The following GEMIN8 variants were observed in gnomAD, a reference collection of about 807,000 sequenced individuals.
The protein encoded by GEMIN8 is gem-associated protein 8.
For missense variants in GEMIN8, 185 were observed against 205.9 expected (o/e 0.90, Z 0.62); for synonymous variants, 80 against 78.5 (o/e 1.02, Z -0.10).
intron 4 of GEMIN8, 96 bp from the exon 5 acceptor site, chrX:14,009,265 T>A: frequency 6.9e-6 from 6 of 863,663 alleles, no homozygotes; most frequent in South Asian, 2.4e-5. Context: ...CCATGCCATC[T>A]GCAGCCCCCT....
the GEMIN8 span, among the ~76,000 whole-genome samples, chrX:13,999,475 C>T: frequency 6.4e-5 from 7 of 109,954 alleles, no homozygotes; most frequent in Middle Eastern, 4.6e-3. Context: ...GGGGTTTCAC[C>T]GTGTTGCCCA....
the GEMIN8 span, among the ~76,000 whole-genome samples, chrX:13,989,431 T>C: frequency 8.9e-6 from 1 of 112,087 alleles, no homozygotes; most frequent in Non-Finnish European, 1.9e-5. Context: ...TGTAGTATTA[T>C]TAGTGTTTTT....
At chrX:14,012,274 C>T (rs865898438) in intron 4 of GEMIN8, among the ~76,000 whole-genome samples, 5 of 102,857 alleles carry the variant, frequency 4.9e-5, no homozygotes, top group Admixed American at 1.0e-4. Context: ...TGTGCCACCA[C>T]GCCTGGATAA....
chrX:13,985,159 T>C, the GEMIN8 span, among the ~76,000 whole-genome samples: 1 of 111,555 alleles, frequency 9.0e-6, no homozygotes, highest in Non-Finnish European at 1.9e-5. Context: ...GAAATGAACA[T>C]GCTTGGCTCA....
In GEMIN8 at chrX:14,020,342, C is replaced by T; in HGVS notation, c.208G>A (p.Ala70Thr). ...TCATAGAAGGACTGAGGATACGCAG[C>T]CTCATTATCGTAAGAGCTTTGGGGA... ...LLPQSSYDNE[A>T]AYPQSFYDHH... The change falls in exon 4 of 5, where the codon GCT (alanine) becomes ACT (threonine). Residue 70 changes from alanine (A) to threonine (T), a missense_variant. By Grantham distance (58) the Ala-to-Thr change is moderately conservative. Coordinates refer to ENST00000680255, the MANE Select transcript of GEMIN8 (RefSeq NM_001042479.2). 2 of 1,210,371 alleles carry T rather than the reference C, an allele frequency of 1.7e-6. No homozygotes were observed. The highest frequency in any genetic ancestry group is 2.2e-6 in the Non-Finnish European group (2 of 894,149).
downstream of GEMIN8, among the ~76,000 whole-genome samples, chrX:14,004,061 T>C (rs966324972): frequency 8.9e-6 from 1 of 112,489 alleles, no homozygotes; most frequent in Admixed American, 9.4e-5. Context: ...TACTCAGAAC[T>C]AACCACTATT....
the GEMIN8 span, among the ~76,000 whole-genome samples, chrX:13,996,574 A>G: frequency 4.5e-5 from 5 of 111,809 alleles, no homozygotes; most frequent in Non-Finnish European, 9.4e-5. Context: ...GGAATTCAAG[A>G]TGAGAGTTGG....
chrX:13,998,929 G>C, the GEMIN8 span, among the ~76,000 whole-genome samples: 3 of 111,958 alleles, frequency 2.7e-5, no homozygotes, highest in African/African-American at 9.7e-5. Flanking sequence ...TCATTCTGGT[G>C]TCACTGTCAG....
chrX:13,987,012 T>C, the GEMIN8 span, among the ~76,000 whole-genome samples: 4 of 112,510 alleles, frequency 3.6e-5, no homozygotes, highest in African/African-American at 1.3e-4. Context: ...TTATGTCTTA[T>C]GGACTTTTTA....
At chrX:13,998,077 CT>C in the GEMIN8 span, among the ~76,000 whole-genome samples, 210 of 91,626 alleles carry the variant, frequency 2.3e-3, no homozygotes, top group Admixed American at 2.9e-3. Context: ...ACCATTTTTG[CT>C]TTTTTTTTTT....
At chrX:14,006,289 A>G (rs922342673), downstream of GEMIN8, among the ~76,000 whole-genome samples, 5 of 110,944 alleles carry the variant, frequency 4.5e-5, no homozygotes, top group Admixed American at 2.9e-4. Context: ...TTGGCCTCCT[A>G]AAGTGCTGGG....
chrX:14,016,349 A>G (rs1195079639), intron 4 of GEMIN8, among the ~76,000 whole-genome samples: 2 of 112,353 alleles, frequency 1.8e-5, no homozygotes, highest in African/African-American at 6.5e-5. Flanking sequence ...TTCCCAGTCC[A>G]TGTACTTTAC....
At chrX:13,985,161 C>G in the GEMIN8 span, among the ~76,000 whole-genome samples, 1 of 111,430 alleles carries the variant, frequency 9.0e-6, no homozygotes, top group Non-Finnish European at 1.9e-5. Context: ...AATGAACATG[C>G]TTGGCTCAGG....
chrX:13,994,379 C>T, the GEMIN8 span, among the ~76,000 whole-genome samples: 2 of 112,066 alleles, frequency 1.8e-5, no homozygotes, highest in South Asian at 3.7e-4. Flanking sequence ...CATTGGCCCC[C>T]GAGCTTCTCC....
rs942813734 is a variant in GEMIN8 at position 14,009,006 on chromosome X, G to A, written c.636C>T (p.Ile212=). 4 of 1,211,549 alleles carry A rather than the reference G, an allele frequency of 3.3e-6. No homozygotes were observed. Among genetic ancestry groups the A allele is most frequent in the Non-Finnish European group, 4.5e-6 (4 of 895,078 alleles). Residue 212 remains isoleucine, a synonymous_variant, in exon 5 of 5, where the codon ATC becomes ATT. Transcript: ENST00000680255. ...GCTGCACCGCGGCCTCCATGGCTTG[G>A]ATCTTGGCAGCACTGTCCCCGTACA... is the stretch of plus-strand genomic sequence containing the variant. ...KRLYGDSAAK[I]QAMEAAVQLS... is the part of the protein sequence containing the mutation.
At chrX:14,014,496 ACGTATCATCT>A (rs1446066685) in intron 4 of GEMIN8, 11 of 750,242 alleles carry the variant, frequency 1.5e-5, no homozygotes, top group Non-Finnish European at 1.7e-5. Flanking sequence ...AGCCATTAAC[ACGTATCATCT>A]CACTGATCGG....
rs752809817 is a variant in GEMIN8, at chrX:14,020,682, T to C, written c.16-148A>G. The C allele has an allele frequency of 5.6e-5, 25 of 444,062 alleles. No individual in the cohort carries two copies. In the Admixed American group the frequency reaches 9.8e-4, roughly 17 times the overall value. The allele number at this position is 444,062 out of a possible 1,213,427, so 36.6% of individuals were successfully genotyped here. On this transcript the variant is annotated intron_variant, in intron 3 of 4. Transcript: ENST00000680255. ...CATGAGGAGGCTACTGGGCCCAAAA[T>C]ATTGTGTGAGATAGGTCCAGGCCCA... is the stretch of plus-strand genomic sequence containing the variant.
chrX:14,023,144 T>G, intron 2 of GEMIN8, among the ~76,000 whole-genome samples: 1 of 112,115 alleles, frequency 8.9e-6, no homozygotes, highest in Non-Finnish European at 1.9e-5. Context: ...TAAGTTCACA[T>G]TAATCTATAA....
At chrX:14,018,522 T>C (rs1365947361) in intron 4 of GEMIN8, among the ~76,000 whole-genome samples, 1 of 111,689 alleles carries the variant, frequency 9.0e-6, no homozygotes, top group East Asian at 2.8e-4. Flanking sequence ...CTCCATCCCA[T>C]TTTCTCTGTC....
Sources: allele counts gnomAD v4.1 joint callset (sites outside exome capture counted in the v4.1 genomes callset), GRCh38; gene constraint gnomAD v4.1.1; transcripts MANE v1.5; gene names NCBI Gene and HGNC (gene_info 2026-07-23, HGNC 2026-07-21).